CHD6: variants seen among roughly 807,000 people sequenced by gnomAD.
CHD6 encodes chromodomain helicase DNA binding protein 6.
A neutral mutation model predicts 276.9 loss-of-function variants in CHD6; 50 were observed. That is an observed-to-expected ratio of 0.18 (90% CI 0.14 to 0.23). CHD6 has a LOEUF of 0.23. CHD6 is among the 10% of genes least tolerant of loss of function. The pLI is 1.00. For synonymous variants in CHD6, 1,173 were observed against 1,229.3 expected, an observed-to-expected ratio of 0.95 and a Z score of 0.96; for missense variants, 2,564 against 3,365.8, an observed-to-expected ratio of 0.76 and a Z score of 5.89.
intron 12 of CHD6, 23 bp downstream of exon 12, chr20:41,489,755 C>T (rs2043504624): frequency 1.2e-6 from 2 of 1,613,426 alleles, no homozygotes; most frequent in East Asian, 4.5e-5. Context: ...GTCCCTGGGT[C>T]TCTGATCTCA....
At chr20:41,448,021 C>T in intron 23 of CHD6, 50 bp from the exon 24 acceptor site, 1 of 1,043,606 alleles carries the variant, frequency 9.6e-7, no homozygotes, top group Non-Finnish European at 1.4e-6. Context: ...CCATAACTGT[C>T]TGTGAACCAC....
At chr20:41,495,974 C>A (rs1017645972) in intron 8 of CHD6, among the ~76,000 whole-genome samples, 1 of 152,182 alleles carries the variant, frequency 6.6e-6, no homozygotes, top group Non-Finnish European at 1.5e-5. Context: ...ATTGTGCAGT[C>A]CGCTCTCCAC....
At chr20:41,431,849 C>G (rs187487398) in intron 27 of CHD6, among the ~76,000 whole-genome samples, 2 of 145,058 alleles carry the variant, frequency 1.4e-5, no homozygotes, top group Non-Finnish European at 3.0e-5. Flanking sequence ...ATGGCAGAGG[C>G]AGACAAAAAA....
intron 1 of CHD6, among the ~76,000 whole-genome samples, chr20:41,585,393 G>C (rs142557195): frequency 1.3e-5 from 2 of 151,922 alleles, no homozygotes; most frequent in South Asian, 2.1e-4. Flanking sequence ...CCAGCTACTC[G>C]GGAGGCTGAG....
intron 1 of CHD6, among the ~76,000 whole-genome samples, chr20:41,585,511 C>CAAAAAAAAA (rs60920576): frequency 5.4e-5 from 4 of 74,246 alleles, no homozygotes; most frequent in Non-Finnish European, 9.4e-5. Flanking sequence ...TCCGTCTCAC[C>CAAAAAAAAA]AAAAAAAAAA....
At chr20:41,584,185 G>A (rs1328974309) in intron 1 of CHD6, among the ~76,000 whole-genome samples, 1 of 152,004 alleles carries the variant, frequency 6.6e-6, no homozygotes, top group Admixed American at 6.5e-5. Context: ...TCAAAAGAAA[G>A]CTAGAGAGGT....
In CHD6 at chr20:41,473,096, T is replaced by A. The variant is rs1212960938; in HGVS notation, c.2664+226A>T. 1.1e-5 allele frequency: 5 copies of A among 475,680 alleles called. No individual in the cohort carries two copies. The allele number at this position is 475,680 out of a possible 1,614,324, so 29.5% of individuals were successfully genotyped here. A position where few individuals can be genotyped will look rare whatever the true frequency, so the allele number is the denominator to read the frequency against. ...AGTCTATATCTGGAGGCTACCACTG[T>A]GAAACATCATTTGATTTAACGGAAA... On this transcript the variant is annotated intron_variant, in intron 17 of 36. Transcript: ENST00000373233. This position sits in a 1 kb window ranked among gnomAD's most constrained non-coding sequence, Gnocchi z 4.1.
chr20:41,412,584 CTT>C (rs1241065344), intron 35 of CHD6, among the ~76,000 whole-genome samples: 1 of 152,208 alleles, frequency 6.6e-6, no homozygotes, highest in African/African-American at 2.4e-5. Flanking sequence ...CTTGCATTCT[CTT>C]GTCACTGCTA....
At chr20:41,594,300 A>G (rs551054125) in intron 1 of CHD6, among the ~76,000 whole-genome samples, 1 of 152,328 alleles carries the variant, frequency 6.6e-6, no homozygotes, top group East Asian at 1.9e-4. Flanking sequence ...CCTAAGATGG[A>G]AGTCAAACTT....
chr20:41,573,790 G>A (rs2045443931), intron 1 of CHD6, among the ~76,000 whole-genome samples: 1 of 152,222 alleles, frequency 6.6e-6, no homozygotes, highest in Non-Finnish European at 1.5e-5. Context: ...AGCAAGGACT[G>A]GAAGTGAAGA....
intron 1 of CHD6, among the ~76,000 whole-genome samples, chr20:41,561,394 T>C (rs1243536171): frequency 1.3e-5 from 2 of 152,228 alleles, no homozygotes; most frequent in Non-Finnish European, 2.9e-5. Flanking sequence ...TAACTTCTCC[T>C]AAAATGCTCC....
intron 1 of CHD6, among the ~76,000 whole-genome samples, chr20:41,593,905 A>G (rs976954502): frequency 2.0e-5 from 3 of 152,146 alleles, no homozygotes; most frequent in Non-Finnish European, 4.4e-5. Context: ...GAATTGTGAG[A>G]ACGTAATTTC....
At chr20:41,611,525 G>C (rs767202669) in intron 1 of CHD6, among the ~76,000 whole-genome samples, 7 of 152,100 alleles carry the variant, frequency 4.6e-5, no homozygotes, top group Non-Finnish European at 8.8e-5. Flanking sequence ...CTCAAATTTT[G>C]ATGTGCACAA....
chr20:41,487,357 T>C (rs1443435728), intron 14 of CHD6, among the ~76,000 whole-genome samples: 1 of 152,172 alleles, frequency 6.6e-6, no homozygotes, highest in Non-Finnish European at 1.5e-5. Flanking sequence ...AGACCAGAGC[T>C]GTAAGCAAAA....
rs1294612041 is a variant in CHD6 at position 41,421,448 on chromosome 20, T to C, written c.5187A>G (p.Glu1729=). 1 of 1,614,180 alleles carries C rather than the reference T, an allele frequency of 6.2e-7. No individual in the cohort carries two copies. Among genetic ancestry groups the C allele is most frequent in the East Asian group, 2.2e-5 (1 of 44,882 alleles). ...AGATGGTAATAACATCTTTTCTAGA[T>C]TCAGTATTGGTACTTGGGCTCTCCT... ...SFQESPSTNT[E]SRKDVITISI... Residue 1729 remains glutamate, a synonymous_variant, in exon 31 of 37, where the codon GAA becomes GAG. Transcript: ENST00000373233.
chr20:41,423,891 C>A (rs956276667), intron 29 of CHD6, among the ~76,000 whole-genome samples, 191 bp from the exon 30 acceptor site: 1 of 152,210 alleles, frequency 6.6e-6, no homozygotes, highest in South Asian at 2.1e-4. Context: ...TATTATCCAA[C>A]TCCCAAAGAG....
chr20:41,556,583 G>A (rs532654487), intron 1 of CHD6, among the ~76,000 whole-genome samples: 2 of 152,288 alleles, frequency 1.3e-5, no homozygotes, highest in East Asian at 1.9e-4. Context: ...CTGAGGCAGA[G>A]AGAATGTGCA....
Position 41,608,506 on chromosome 20 carries a change from A to G in CHD6, c.-24+9834T>C, listed in dbSNP as rs959487561. Among the ~76,000 whole-genome samples, 3 of 152,122 alleles carry G rather than the reference A, an allele frequency of 2.0e-5. No individual in the cohort carries two copies. The South Asian group carries it at 6.2e-4, about 32-fold the overall frequency. ...CAGCTATCCCATATTTCCCCCATGAATTTTTAAGGGAAATTCTCCTACGTG... is the reference window on the plus strand; with the variant it reads ...CAGCTATCCCATATTTCCCCCATGAGTTTTTAAGGGAAATTCTCCTACGTG... On this transcript the variant is annotated intron_variant, in intron 1 of 36. Coordinates refer to ENST00000373233, the MANE Select transcript of CHD6 (RefSeq NM_032221.5).
At chr20:41,491,940 T>C in intron 10 of CHD6, 121 bp from the exon 11 acceptor site, 1 of 1,070,686 alleles carries the variant, frequency 9.3e-7, no homozygotes, top group East Asian at 2.4e-5. Context: ...CTATAGTTAT[T>C]ACCTTCTGAG....
Sources: gnomAD v4.1 joint callset for allele counts (sites outside exome capture counted in the v4.1 genomes callset) on GRCh38, gnomAD v4.1.1 for gene constraint, Gnocchi (gnomAD v3.1) non-coding constraint, MANE v1.5 for transcripts, NCBI Gene and HGNC (gene_info 2026-07-23, HGNC 2026-07-21) for gene names.